Variants in CSMD1 observed in about 807,000 individuals in gnomAD.
The protein encoded by CSMD1 is CUB and sushi domain-containing protein 1.
A neutral mutation model predicts 417.5 loss-of-function variants in CSMD1; 213 were observed. That is an observed-to-expected ratio of 0.51 (90% CI 0.46 to 0.57). CSMD1 has a LOEUF of 0.57. Among genes scored for constraint, CSMD1 ranks in the 20% least tolerant of loss-of-function variants. The pLI is 0.00. For synonymous variants in CSMD1, 2,862 were observed against 1,736.8 expected, an observed-to-expected ratio of 1.65 and a Z score of -16.11; for missense variants, 6,923 against 4,529.7, an observed-to-expected ratio of 1.53 and a Z score of -15.17.
chr8:4,060,495 G>C (rs997021712), intron 3 of CSMD1, among the ~76,000 whole-genome samples: 20 of 152,140 alleles, frequency 1.3e-4, no homozygotes, highest in Admixed American at 1.1e-3. Context: ...AAGGAGCTGA[G>C]GTTTTAGAAT....
intron 23 of CSMD1, among the ~76,000 whole-genome samples, chr8:3,309,443 C>G (rs144519899): frequency 7.1e-6 from 1 of 141,806 alleles, no homozygotes; most frequent in East Asian, 2.4e-4. Context: ...ATTATAATGA[C>G]CTCATCAAAA....
intron 5 of CSMD1, among the ~76,000 whole-genome samples, chr8:3,857,350 T>C (rs1192453166): frequency 6.6e-6 from 1 of 152,110 alleles, no homozygotes; most frequent in Non-Finnish European, 1.5e-5. Context: ...TAAACAAAAC[T>C]ACACAAACAA....
chr8:4,423,529 A>G (rs1432286619), intron 2 of CSMD1, among the ~76,000 whole-genome samples: 2 of 152,102 alleles, frequency 1.3e-5, no homozygotes, highest in African/African-American at 2.4e-5. Context: ...AGTACACAAC[A>G]CTGAAGAAAA....
intron 5 of CSMD1, among the ~76,000 whole-genome samples, chr8:3,978,369 T>C (rs150040982): frequency 1.3e-5 from 2 of 152,322 alleles, no homozygotes; most frequent in Non-Finnish European, 1.5e-5. Flanking sequence ...TTTTACATCT[T>C]ATTTATCAAA....
chr8:3,994,307 G>T (rs1007289932), intron 5 of CSMD1, among the ~76,000 whole-genome samples: 6 of 151,996 alleles, frequency 3.9e-5, no homozygotes, highest in African/African-American at 1.5e-4. Flanking sequence ...TCCCAGCCAA[G>T]ACTATACAAC....
At chr8:4,715,180 G>C (rs898755431) in intron 1 of CSMD1, among the ~76,000 whole-genome samples, 4 of 151,942 alleles carry the variant, frequency 2.6e-5, no homozygotes, top group Non-Finnish European at 5.9e-5. Context: ...CTATTATTTC[G>C]CAGAAAAAGA....
At chr8:4,950,397 C>A (rs7005169) in intron 1 of CSMD1, among the ~76,000 whole-genome samples, 140,839 of 152,186 alleles carry the variant, frequency 0.93, 65,372 homozygotes, top group Non-Finnish European at 0.96. Flanking sequence ...CAATGTTACC[C>A]ACAAACAAGC....
intron 3 of CSMD1, among the ~76,000 whole-genome samples, chr8:4,209,837 A>G (rs1213257048): frequency 1.3e-5 from 2 of 152,206 alleles, no homozygotes; most frequent in East Asian, 1.9e-4. Context: ...AATTACATGC[A>G]AAATAAGGAG....
intron 26 of CSMD1, among the ~76,000 whole-genome samples, chr8:3,268,975 C>G (rs370187461): frequency 6.6e-6 from 1 of 152,094 alleles, no homozygotes; most frequent in Admixed American, 6.6e-5. Context: ...AGTATTAAAC[C>G]TCCATCCTCA....
At chr8:4,436,385 T>G (rs1464386744) in intron 2 of CSMD1, among the ~76,000 whole-genome samples, 1 of 152,228 alleles carries the variant, frequency 6.6e-6, no homozygotes, top group Non-Finnish European at 1.5e-5. Flanking sequence ...TCAAACGTGC[T>G]TAAGTCTGTT....
chr8:4,411,393 T>C (rs572486281), intron 3 of CSMD1, among the ~76,000 whole-genome samples: 91 of 152,296 alleles, frequency 6.0e-4, no homozygotes, highest in African/African-American at 1.9e-3. Context: ...AGTGCTGGTC[T>C]TAGAATTCAT....
chr8:4,181,957 C>T (rs78613951), intron 3 of CSMD1, among the ~76,000 whole-genome samples: 20 of 150,020 alleles, frequency 1.3e-4, no homozygotes, highest in Non-Finnish European at 2.1e-4. Flanking sequence ...TCTGTGTCTG[C>T]GTGTGTGTGT....
At chr8:3,917,171 C>T (rs1417002146) in intron 5 of CSMD1, among the ~76,000 whole-genome samples, 1 of 152,142 alleles carries the variant, frequency 6.6e-6, no homozygotes, top group Non-Finnish European at 1.5e-5. Context: ...ATAACGATTA[C>T]AAATATTTAT....
chr8:3,966,721 T>TCACA (rs748552047), intron 5 of CSMD1, among the ~76,000 whole-genome samples: 7 of 134,186 alleles, frequency 5.2e-5, no homozygotes, highest in Non-Finnish European at 1.1e-4. Flanking sequence ...CTGCAGGCAT[T>TCACA]CACACACACA....
intron 7 of CSMD1, among the ~76,000 whole-genome samples, chr8:3,679,252 G>C (rs1799531631): frequency 6.6e-6 from 1 of 152,282 alleles, no homozygotes; most frequent in South Asian, 2.1e-4. Context: ...ATTGGATAAA[G>C]AGTCAAGACC....
chr8:3,574,664 G>T, intron 10 of CSMD1, among the ~76,000 whole-genome samples: 1 of 152,160 alleles, frequency 6.6e-6, no homozygotes, highest in East Asian at 1.9e-4. Flanking sequence ...GACCTGAGTT[G>T]AAAAAGACAT....
chr8:3,671,544 TGATCA>T (rs1799053771), intron 7 of CSMD1, among the ~76,000 whole-genome samples: 1 of 14,234 alleles, frequency 7.0e-5, no homozygotes, highest in Non-Finnish European at 1.3e-4. Context: ...TATATATATA[TGATCA>T]TATATATGAT....
In CSMD1 at chr8:3,491,490, A is replaced by G. The variant is rs561346034; in HGVS notation, c.1448+2133T>C. 1.0e-3 allele frequency among the ~76,000 whole-genome samples: 155 copies of G among 152,322 alleles called. 1 individual carries two copies. The highest frequency in any genetic ancestry group is 3.4e-3 in the African/African-American group (141 of 41,558). On this transcript the variant is annotated intron_variant, in intron 11 of 69. Coordinates refer to ENST00000635120, the MANE Select transcript of CSMD1 (RefSeq NM_033225.6). Reference sequence around the variant, plus strand: ...GTGTTATTCTCATCATTATTATAATAAGTTGTGGTCCAGCAACATGATTTC... The same window carrying G: ...GTGTTATTCTCATCATTATTATAATGAGTTGTGGTCCAGCAACATGATTTC...
chr8:4,432,777 C>G (rs563025642), intron 2 of CSMD1, among the ~76,000 whole-genome samples: 10 of 152,084 alleles, frequency 6.6e-5, no homozygotes, highest in African/African-American at 2.2e-4. Flanking sequence ...ATATATGAAG[C>G]CAAGCAGTAA....
Sources: allele counts gnomAD v4.1 joint callset (sites outside exome capture counted in the v4.1 genomes callset), GRCh38; gene constraint gnomAD v4.1.1; transcripts MANE v1.5; gene names NCBI Gene and HGNC (gene_info 2026-07-23, HGNC 2026-07-21).